Variants in PAX7 observed in about 807,000 individuals in gnomAD.
PAX7 encodes paired box 7.
PAX7 carries 18 observed loss-of-function variants against 50.7 expected under a neutral mutation model. The observed-to-expected ratio is 0.36, with a 90% CI of 0.25 to 0.53. The LOEUF (loss-of-function observed/expected upper bound fraction) is 0.53, where lower values mean the gene tolerates loss of function less well. Ranked by LOEUF, PAX7 falls within the 20% of genes least tolerant of loss-of-function variation. The probability of loss-of-function intolerance (pLI) is 0.93; values close to 1 mark genes in which losing one functional copy is unlikely to be tolerated. For synonymous variants in PAX7, 310 were observed against 290.4 expected, an observed-to-expected ratio of 1.07 and a Z score of -0.69; for missense variants, 644 against 702.9, an observed-to-expected ratio of 0.92 and a Z score of 0.95.
At chr1:18,727,739 A>G (rs890542048) in intron 7 of PAX7, among the ~76,000 whole-genome samples, 2 of 152,196 alleles carry the variant, frequency 1.3e-5, no homozygotes, top group Non-Finnish European at 2.9e-5. Flanking sequence ...AGGGTGACAA[A>G]TGAGAGGGAA....
rs546225863 is a variant in PAX7 at position 18,635,348 on chromosome 1, AC to A, written c.451+109del. 250 of 1,330,450 alleles carry A rather than the reference AC, an allele frequency of 1.9e-4. No individual in the cohort carries two copies. The African/African-American group carries it at 2.9e-3, about 15-fold the overall frequency. 82.4% of individuals were successfully genotyped at this position (1,330,450 alleles called of 1,614,324 possible). On this transcript the variant is annotated intron_variant, in intron 3 of 8. Transcript: ENST00000420770. The stretch of plus-strand genomic sequence containing the variant: ...GAGAGGAGATGATGGCTGACTGTGA[AC>A]TTACTGAGAAGTTGGGAGGAAAGGA...
intron 4 of PAX7, among the ~76,000 whole-genome samples, chr1:18,670,069 T>G (rs1182046324): frequency 2.7e-5 from 3 of 112,224 alleles, no homozygotes; most frequent in Admixed American, 1.2e-4. Flanking sequence ...GGTGACAGAG[T>G]GAGACTCCAT....
At chr1:18,696,065 C>CT (rs386366372) in intron 5 of PAX7, among the ~76,000 whole-genome samples, 5,632 of 128,870 alleles carry the variant, frequency 0.044, 200 homozygotes, top group Admixed American at 0.095. Context: ...CATTTCTTTT[C>CT]TTTTTTTTTT....
In PAX7 at chr1:18,634,362, C is replaced by A. The variant is rs146503374; in HGVS notation, c.145C>A (p.Arg49=). The change falls in exon 2 of 9, where the codon CGA becomes AGA. Residue 49 remains arginine, a synonymous_variant. Coordinates refer to ENST00000420770, the MANE Select transcript of PAX7 (RefSeq NM_001135254.2). This position sits in a 1 kb window ranked among gnomAD's most constrained non-coding sequence, Gnocchi z 4.0. The part of the protein sequence containing the change: ...NQLGGVFING[R]PLPNHIRHKI... Reference sequence around the variant, plus strand: ...GCTGGGAGGGGTCTTCATCAATGGGCGACCCCTGCCTAACCACATCCGCCA... The same window carrying A: ...GCTGGGAGGGGTCTTCATCAATGGGAGACCCCTGCCTAACCACATCCGCCA... 2.4e-5 allele frequency: 39 copies of A among 1,613,884 alleles called. No individual in the cohort carries two copies. The highest frequency in any genetic ancestry group is 3.1e-5 in the Non-Finnish European group (37 of 1,180,018).
At chr1:18,680,895 C>T (rs1021616365) in intron 4 of PAX7, among the ~76,000 whole-genome samples, 1 of 152,114 alleles carries the variant, frequency 6.6e-6, no homozygotes, top group Non-Finnish European at 1.5e-5. Flanking sequence ...CGGTGGCTCA[C>T]GCCTGTAATC....
At chr1:18,719,468 AGTGGAACTG>A (rs1168024041) in intron 7 of PAX7, among the ~76,000 whole-genome samples, 1 of 152,246 alleles carries the variant, frequency 6.6e-6, no homozygotes, top group African/African-American at 2.4e-5. Flanking sequence ...GAGGACTGCC[AGTGGAACTG>A]GCCTGAGGCC....
chr1:18,685,319 G>C (rs1391367454), intron 4 of PAX7, among the ~76,000 whole-genome samples: 1 of 152,228 alleles, frequency 6.6e-6, no homozygotes, highest in Non-Finnish European at 1.5e-5. Context: ...CAGTGTGTCA[G>C]AGTTTAAGAG....
Position 18,632,278 on chromosome 1 carries a change from T to C in PAX7, c.85+590T>C, listed in dbSNP as rs2088067294. On this transcript the variant is annotated intron_variant, in intron 1 of 8. Coordinates refer to ENST00000420770, the MANE Select transcript of PAX7 (RefSeq NM_001135254.2). The surrounding 1 kb of genome is among the most constrained non-coding windows in gnomAD (Gnocchi z 6.3). Reference sequence around the variant, plus strand: ...TAATGATTTTCCCCCTAAAACTTTTTACTCGGGCTTCCGCACTCTGGAAAT... The same window carrying C: ...TAATGATTTTCCCCCTAAAACTTTTCACTCGGGCTTCCGCACTCTGGAAAT... Among the ~76,000 whole-genome samples the C allele has an allele frequency of 1.3e-5, 2 of 152,248 alleles. No individual in the cohort carries two copies.
chr1:18,672,632 C>T (rs969031501), intron 4 of PAX7, among the ~76,000 whole-genome samples: 5 of 141,302 alleles, frequency 3.5e-5, no homozygotes, highest in South Asian at 2.3e-4. Context: ...GACTAAGTCT[C>T]GCTCGCTCTG....
At chr1:18,742,804 T>C (rs1463813555) in intron 8 of PAX7, among the ~76,000 whole-genome samples, 1 of 152,204 alleles carries the variant, frequency 6.6e-6, no homozygotes, top group East Asian at 1.9e-4. Flanking sequence ...TCCAGGGCAT[T>C]TGCACATCCC....
intron 7 of PAX7, among the ~76,000 whole-genome samples, chr1:18,707,645 G>C (rs1203580921): frequency 1.3e-5 from 2 of 151,992 alleles, no homozygotes; most frequent in East Asian, 3.9e-4. Context: ...GGCTGGTCTT[G>C]AACTCCTGAC....
intron 7 of PAX7, among the ~76,000 whole-genome samples, chr1:18,719,728 C>A (rs1433865302): frequency 6.6e-6 from 1 of 152,208 alleles, no homozygotes; most frequent in Admixed American, 6.5e-5. Flanking sequence ...TTCCCTGAGC[C>A]CCCTGGACTG....
chr1:18,684,500 C>A (rs906688993), intron 4 of PAX7, among the ~76,000 whole-genome samples: 1 of 152,234 alleles, frequency 6.6e-6, no homozygotes, highest in Non-Finnish European at 1.5e-5. Flanking sequence ...CCCGCAGCCA[C>A]GCCCGAGCCC....
chr1:18,734,121 A>G (rs2089681414), intron 7 of PAX7, among the ~76,000 whole-genome samples: 1 of 152,230 alleles, frequency 6.6e-6, no homozygotes, highest in Admixed American at 6.5e-5. Context: ...AATAAAGGCA[A>G]AGGTAAAAAT....
At chr1:18,715,087 C>T (rs928053134) in intron 7 of PAX7, among the ~76,000 whole-genome samples, 2 of 152,176 alleles carry the variant, frequency 1.3e-5, no homozygotes, top group Non-Finnish European at 2.9e-5. Context: ...CGGGGGGTGA[C>T]TTTGAGGGTC....
rs574574870 is a variant in PAX7 at position 18,724,987 on chromosome 1, G to T, written c.1156-10645G>T. On this transcript the variant is annotated intron_variant, in intron 7 of 8. Coordinates refer to ENST00000420770, the MANE Select transcript of PAX7 (RefSeq NM_001135254.2). Reference sequence around the variant, plus strand: ...TGTGGGGAGGAGGGGCTGGCAGTCCGCCTGCACAAAGTAGGTGATGGGCAC... The same window carrying T: ...TGTGGGGAGGAGGGGCTGGCAGTCCTCCTGCACAAAGTAGGTGATGGGCAC... Among the ~76,000 whole-genome samples, 9 of 152,312 alleles carry T rather than the reference G, an allele frequency of 5.9e-5. No individual in the cohort carries two copies. The South Asian group carries it at 8.3e-4, about 14-fold the overall frequency.
chr1:18,731,303 G>A (rs1049298773), intron 7 of PAX7, among the ~76,000 whole-genome samples: 4 of 152,204 alleles, frequency 2.6e-5, no homozygotes, highest in South Asian at 2.1e-4. Flanking sequence ...AGAGGCCAGC[G>A]AGGGGCATTT....
chr1:18,657,621 G>T (rs2088541313), intron 4 of PAX7, among the ~76,000 whole-genome samples: 1 of 152,160 alleles, frequency 6.6e-6, no homozygotes, highest in Non-Finnish European at 1.5e-5. Flanking sequence ...AGCTCCGCTA[G>T]GCCCAGGGAC....
intron 7 of PAX7, among the ~76,000 whole-genome samples, chr1:18,716,052 T>C (rs2089415995): frequency 6.6e-6 from 1 of 151,814 alleles, no homozygotes; most frequent in Non-Finnish European, 1.5e-5. Context: ...TCCCTAACCT[T>C]CCCCACCGGC....
Sources: gnomAD v4.1 joint callset for allele counts (sites outside exome capture counted in the v4.1 genomes callset) on GRCh38, gnomAD v4.1.1 for gene constraint, Gnocchi (gnomAD v3.1) non-coding constraint, MANE v1.5 for transcripts, NCBI Gene and HGNC (gene_info 2026-07-23, HGNC 2026-07-21) for gene names.